The following RPS6KC1 variants were observed in gnomAD, a reference collection of about 807,000 sequenced individuals.
RPS6KC1 encodes ribosomal protein S6 kinase C1, also known as inactive ribosomal protein S6 kinase delta-1.
In RPS6KC1, 54 loss-of-function variants were observed where a neutral mutation model predicts 103.8. The ratio of observed to expected loss-of-function variants is 0.52; its 90% CI spans 0.42 to 0.65. RPS6KC1 has a LOEUF of 0.65. Ranked by LOEUF, RPS6KC1 falls within the 30% of genes least tolerant of loss-of-function variation. The pLI, the probability that RPS6KC1 is intolerant of heterozygous loss-of-function variation, is 0.00. For synonymous variants in RPS6KC1, 439 were observed against 438.7 expected (o/e 1.00, Z -0.01); for missense variants, 1,151 against 1,253.8 (o/e 0.92, Z 1.24).
At chr1:213,787,376 G>A in the RPS6KC1 span, among the ~76,000 whole-genome samples, 1 of 152,166 alleles carries the variant, frequency 6.6e-6, no homozygotes, top group African/African-American at 2.4e-5. Flanking sequence ...GGGGGAATAA[G>A]GTGGAGGAGG....
intron 3 of RPS6KC1, among the ~76,000 whole-genome samples, chr1:213,099,167 T>G (rs2081775614): frequency 6.6e-6 from 1 of 152,216 alleles, no homozygotes; most frequent in South Asian, 2.1e-4. Context: ...TGAATCTTGC[T>G]GCTACTTTTT....
chr1:213,215,385 A>C (rs2093632206), intron 8 of RPS6KC1, among the ~76,000 whole-genome samples: 1 of 152,244 alleles, frequency 6.6e-6, no homozygotes, highest in Middle Eastern at 3.2e-3. Flanking sequence ...ATGGGAAAAG[A>C]CCAAATGTAC....
At chr1:213,628,990 G>C in the RPS6KC1 span, among the ~76,000 whole-genome samples, 1 of 152,166 alleles carries the variant, frequency 6.6e-6, no homozygotes, top group Non-Finnish European at 1.5e-5. Context: ...GCTGAGGAGA[G>C]CTTTACTTCC....
At chr1:213,855,749 A>T in the RPS6KC1 span, among the ~76,000 whole-genome samples, 1 of 152,212 alleles carries the variant, frequency 6.6e-6, no homozygotes, top group Non-Finnish European at 1.5e-5. Flanking sequence ...TGTGTAACAC[A>T]TCCACGACCA....
intron 8 of RPS6KC1, among the ~76,000 whole-genome samples, chr1:213,207,112 A>G (rs753467155): frequency 1.7e-4 from 26 of 152,006 alleles, no homozygotes; most frequent in Non-Finnish European, 3.2e-4. Context: ...CACTATATGT[A>G]TATATATATA....
intron 2 of RPS6KC1, 123 bp downstream of exon 2, chr1:213,071,164 C>G (rs2078836529): frequency 1.8e-6 from 1 of 564,002 alleles, no homozygotes; most frequent in Non-Finnish European, 3.1e-6. Flanking sequence ...AGTTTCGCTC[C>G]TGTTGCTCAG....
chr1:213,798,812 G>A, the RPS6KC1 span, among the ~76,000 whole-genome samples: 1 of 152,220 alleles, frequency 6.6e-6, no homozygotes, highest in South Asian at 2.1e-4. Context: ...CTCCTATAGA[G>A]ATGTCTTTGC....
At chr1:213,506,183 T>C in the RPS6KC1 span, among the ~76,000 whole-genome samples, 32,532 of 152,154 alleles carry the variant, frequency 0.21, 4,356 homozygotes, top group Middle Eastern at 0.34. Flanking sequence ...TTGGCATTGC[T>C]GTCCTTTCTT....
chr1:213,408,232 T>G, the RPS6KC1 span, among the ~76,000 whole-genome samples: 2 of 152,184 alleles, frequency 1.3e-5, no homozygotes, highest in Non-Finnish European at 2.9e-5. Context: ...ATGGTCCATA[T>G]GCCAGGAAAA....
At chr1:213,712,608 C>T in the RPS6KC1 span, among the ~76,000 whole-genome samples, 1 of 152,234 alleles carries the variant, frequency 6.6e-6, no homozygotes, top group South Asian at 2.1e-4. Context: ...AAATGGCAGC[C>T]CAGTTTTATG....
the RPS6KC1 span, among the ~76,000 whole-genome samples, chr1:213,363,041 C>T: frequency 6.6e-6 from 1 of 152,174 alleles, no homozygotes; most frequent in Non-Finnish European, 1.5e-5. Flanking sequence ...TCTGGGAAAT[C>T]CTGGCTAATA....
the RPS6KC1 span, among the ~76,000 whole-genome samples, chr1:213,319,869 C>G: frequency 3.3e-5 from 5 of 152,192 alleles, no homozygotes; most frequent in African/African-American, 1.2e-4. Context: ...CAATTCATGT[C>G]CATTCAGAAC....
the RPS6KC1 span, among the ~76,000 whole-genome samples, chr1:213,590,710 G>A: frequency 1.3e-5 from 2 of 152,156 alleles, no homozygotes; most frequent in Non-Finnish European, 2.9e-5. Flanking sequence ...CATCAGCGGA[G>A]GCCATTTCCA....
chr1:213,274,889 C>T (rs1186381738), downstream of RPS6KC1: 1 of 152,092 alleles, frequency 6.6e-6, no homozygotes, highest in Non-Finnish European at 1.5e-5. Flanking sequence ...TGTGCGACAT[C>T]ACCACTATCC....
At chr1:213,449,444 C>T in the RPS6KC1 span, among the ~76,000 whole-genome samples, 1 of 152,156 alleles carries the variant, frequency 6.6e-6, no homozygotes, top group African/African-American at 2.4e-5. Flanking sequence ...CTTGCAGAGG[C>T]TCCTGTGTCC....
At chr1:213,110,946 A>ATTT (rs397961063) in intron 4 of RPS6KC1, among the ~76,000 whole-genome samples, 4 of 143,122 alleles carry the variant, frequency 2.8e-5, no homozygotes, top group African/African-American at 1.0e-4. Flanking sequence ...TTTGGGGTGG[A>ATTT]TTTTTTTTTT....
chr1:213,558,600 A>G, the RPS6KC1 span, among the ~76,000 whole-genome samples: 1 of 152,222 alleles, frequency 6.6e-6, no homozygotes, highest in Non-Finnish European at 1.5e-5. Context: ...TTTCTGGCCA[A>G]TGACAGCAAT....
chr1:213,739,567 A>C, the RPS6KC1 span, among the ~76,000 whole-genome samples: 8 of 152,344 alleles, frequency 5.3e-5, no homozygotes, highest in South Asian at 1.7e-3. Context: ...GGCATACTGA[A>C]TAAGCAGAGC....
chr1:213,520,441 C>T, the RPS6KC1 span, among the ~76,000 whole-genome samples: 12 of 152,096 alleles, frequency 7.9e-5, no homozygotes, highest in Admixed American at 1.3e-4. Flanking sequence ...TCCCACAACA[C>T]GTGGGAATTG....
Sources: gnomAD v4.1 joint callset for allele counts (sites outside exome capture counted in the v4.1 genomes callset) on GRCh38, gnomAD v4.1.1 for gene constraint, MANE v1.5 for transcripts, NCBI Gene and HGNC (gene_info 2026-07-23, HGNC 2026-07-21) for gene names.